Variants in PHC2 observed in about 807,000 individuals in gnomAD.
PHC2 encodes polyhomeotic homolog 2.
PHC2 carries 29 observed loss-of-function variants against 87.4 expected under a neutral mutation model. The observed-to-expected ratio is 0.33, with a 90% CI of 0.25 to 0.45. PHC2 has a LOEUF of 0.45. Ranked by LOEUF, PHC2 falls within the 20% of genes least tolerant of loss-of-function variation. PHC2 has a pLI of 1.00. For synonymous variants in PHC2, 438 were observed against 461.7 expected (o/e 0.95, Z 0.66); for missense variants, 857 against 1,136.7 (o/e 0.75, Z 3.54).
In PHC2 at chr1:33,325,431, C is replaced by T. The variant is rs536809233; in HGVS notation, c.2426-412G>A. On this transcript the variant is annotated intron_variant, in intron 14 of 14. Transcript: ENST00000683057. Reference sequence around the variant, plus strand: ...CCCAGCAACCCTTTGGAGAGGCATGCGTGGAGAGCAGCCAAGGCCCTGGTG... The same window carrying T: ...CCCAGCAACCCTTTGGAGAGGCATGTGTGGAGAGCAGCCAAGGCCCTGGTG... The T allele has an allele frequency of 5.7e-5, 11 of 193,406 alleles. No homozygotes were observed. The East Asian group carries it at 7.2e-4, about 13-fold the overall frequency. 12.0% of individuals were successfully genotyped at this position (193,406 alleles called of 1,614,324 possible).
chr1:33,354,947 G>C lies in PHC2; in HGVS notation c.1283C>G (p.Pro428Arg), dbSNP rs1370685763. Residue 428 changes from proline (P) to arginine (R), a missense_variant, in exon 8 of 15, where the codon CCT becomes CGT. Transcript: ENST00000683057. ...ATGTCCATTCTGAGGCCCAGTATCA[G>C]GTGTGGGAGGGTGACACTGCTGACT... ...GGSQQCHPPTPDTGPQNGHPE... is the reference protein window; with the variant it reads ...GGSQQCHPPTRDTGPQNGHPE... 2.2e-5 allele frequency: 35 copies of C among 1,614,110 alleles called. No homozygotes were observed. The highest frequency in any genetic ancestry group is 2.8e-5 in the Non-Finnish European group (33 of 1,180,054).
At chr1:33,363,796 A>G (rs537012535) in intron 7 of PHC2, 1 of 985,314 alleles carries the variant, frequency 1.0e-6, no homozygotes, top group African/African-American at 1.7e-5. Flanking sequence ...GACTCCAAGA[A>G]CCAAGTCTCC....
At position 33,368,487 on chromosome 1, in the gene PHC2, C is replaced by G. The variant is rs1214059668; in HGVS notation, c.663+49G>C. 2 of 1,020,950 alleles carry G rather than the reference C, an allele frequency of 2.0e-6. No homozygotes were observed. The highest frequency in any genetic ancestry group is 2.9e-6 in the Non-Finnish European group (2 of 695,278). The allele number at this position is 1,020,950 out of a possible 1,614,324, so 63.2% of individuals were successfully genotyped here. The stretch of plus-strand genomic sequence containing the variant: ...GCCCCTCCCCAGTATCAGTGCCCCT[C>G]TACAGGGGTGCCCACCCCCCTGCCC... On this transcript the variant is annotated intron_variant, in intron 6 of 14. Transcript: ENST00000683057. The surrounding 1 kb of genome is among the most constrained non-coding windows in gnomAD (Gnocchi z 6.6).
Position 33,349,844 on chromosome 1 carries a change from T to C in PHC2, c.1558+4557A>G, listed in dbSNP as rs1030782522. 19 of 968,320 alleles carry C rather than the reference T, an allele frequency of 2.0e-5. No homozygotes were observed. In the African/African-American group the frequency reaches 3.5e-4, roughly 18 times the overall value. 60.0% of individuals were successfully genotyped at this position (968,320 alleles called of 1,614,324 possible). A position where few individuals can be genotyped will look rare whatever the true frequency, so the allele number is the denominator to read the frequency against. ...GCGGGAGCGCGGGCGGCGGCCGGGG[T>C]TGCGCGCGCGCGCGCGGCGGGCGCT... On this transcript the variant is annotated intron_variant, in intron 9 of 14. Transcript: ENST00000683057. The surrounding 1 kb of genome is among the most constrained non-coding windows in gnomAD (Gnocchi z 4.2).
chr1:33,349,224 T>C lies in PHC2; in HGVS notation c.1558+5177A>G. The C allele has an allele frequency of 1.0e-6, 1 of 985,250 alleles. No homozygotes were observed. The highest frequency in any genetic ancestry group is 4.7e-5 in the South Asian group (1 of 21,266). 61.0% of individuals were successfully genotyped at this position (985,250 alleles called of 1,614,324 possible). On this transcript the variant is annotated intron_variant, in intron 9 of 14. Transcript: ENST00000683057. The surrounding 1 kb of genome is among the most constrained non-coding windows in gnomAD (Gnocchi z 4.2). ...TCCAAGATAGGGAGTCCACCACCAA[T>C]AAAGTACGGCAGATGCCAGCAGTCT...
intron 9 of PHC2, among the ~76,000 whole-genome samples, chr1:33,352,936 TA>T (rs762568640): frequency 1.3e-5 from 2 of 152,090 alleles, no homozygotes; most frequent in Non-Finnish European, 2.9e-5. Flanking sequence ...CGTGAGTGAG[TA>T]AAGGACTTGG....
intron 9 of PHC2, 31 bp downstream of exon 9, chr1:33,354,370 C>A (rs1436789672): frequency 8.9e-6 from 14 of 1,579,722 alleles, no homozygotes; most frequent in South Asian, 1.1e-5. Flanking sequence ...CAACTTCCTC[C>A]CCTCCCCCAG....
intron 1 of PHC2, among the ~76,000 whole-genome samples, chr1:33,413,118 C>T (rs6697101): frequency 0.098 from 14,926 of 152,180 alleles, 1,043 homozygotes; most frequent in East Asian, 0.28. Flanking sequence ...AGGCATGTGC[C>T]ACCACACTTG....
At chr1:33,370,630 G>C in intron 4 of PHC2, 45 bp from the exon 5 acceptor site, 1 of 1,552,326 alleles carries the variant, frequency 6.4e-7, no homozygotes, top group East Asian at 2.3e-5. Context: ...GGTTCTGTTG[G>C]TGAGCTGTGT....
intron 1 of PHC2, among the ~76,000 whole-genome samples, chr1:33,393,630 T>G (rs1649172724): frequency 6.6e-6 from 1 of 152,186 alleles, no homozygotes; most frequent in Non-Finnish European, 1.5e-5. Flanking sequence ...CTCCTCAGAG[T>G]GAGCAGGCTA....
chr1:33,324,072 G>C lies in PHC2; in HGVS notation c.*793C>G, dbSNP rs1382034070. On this transcript the variant is annotated 3_prime_UTR_variant, in exon 15 of 15. Transcript: ENST00000683057. Reference sequence around the variant, plus strand: ...GGTCAGGGGAACTTCACAGTGCGGGGAGGGGTGTCTGGAAAGGAAACTCTG... The same window carrying C: ...GGTCAGGGGAACTTCACAGTGCGGGCAGGGGTGTCTGGAAAGGAAACTCTG... 1 of 152,574 alleles carries C rather than the reference G, an allele frequency of 6.6e-6. No homozygotes were observed. The highest frequency in any genetic ancestry group is 1.9e-4 in the East Asian group (1 of 5,210). 9.5% of individuals were successfully genotyped at this position (152,574 alleles called of 1,614,324 possible).
intron 13 of PHC2, 64 bp downstream of exon 13, chr1:33,330,007 G>A: frequency 6.3e-7 from 1 of 1,576,712 alleles, no homozygotes; most frequent in Non-Finnish European, 8.7e-7. Context: ...GTGGTGTCGA[G>A]GGCCATGGAA....
intron 1 of PHC2, among the ~76,000 whole-genome samples, chr1:33,391,846 A>C (rs1649067790): frequency 6.6e-6 from 1 of 152,150 alleles, no homozygotes; most frequent in Non-Finnish European, 1.5e-5. Context: ...TCTGGCAGAC[A>C]ATGAATGGCA....
At chr1:33,337,427 C>G (rs1236245347) in intron 9 of PHC2, among the ~76,000 whole-genome samples, 1 of 152,196 alleles carries the variant, frequency 6.6e-6, no homozygotes, top group East Asian at 1.9e-4. Flanking sequence ...TCACAGAGAA[C>G]AAGGCCAATC....
intron 7 of PHC2, among the ~76,000 whole-genome samples, chr1:33,361,144 T>C (rs142360915): frequency 6.6e-6 from 1 of 152,226 alleles, no homozygotes; most frequent in Admixed American, 6.5e-5. Flanking sequence ...GACAACAGCA[T>C]ATTTGCTTGG....
chr1:33,380,114 C>G (rs1205580232), intron 1 of PHC2, among the ~76,000 whole-genome samples: 1 of 152,234 alleles, frequency 6.6e-6, no homozygotes, highest in African/African-American at 2.4e-5. Context: ...GGCTGTCTTT[C>G]AAGTGTGCTC....
chr1:33,368,317 T>G lies in PHC2; in HGVS notation c.663+219A>C, dbSNP rs754242780. ...TCATGCTGGCCTCAGCAGGCTGCCC[T>G]CTGGCTCCTGACCTGTGTTTGAGGG... On this transcript the variant is annotated intron_variant, in intron 6 of 14. Transcript: ENST00000683057. The surrounding 1 kb of genome is among the most constrained non-coding windows in gnomAD (Gnocchi z 6.6). 6.6e-5 allele frequency among the ~76,000 whole-genome samples: 10 copies of G among 152,302 alleles called. No homozygotes were observed. The highest frequency in any genetic ancestry group is 1.2e-4 in the Non-Finnish European group (8 of 68,010).
chr1:33,396,855 G>C (rs368176404), intron 1 of PHC2, among the ~76,000 whole-genome samples: 41 of 152,280 alleles, frequency 2.7e-4, no homozygotes, highest in South Asian at 2.3e-3. Context: ...CTGAGCTGAC[G>C]GACAGCAGCG....
intron 7 of PHC2, among the ~76,000 whole-genome samples, chr1:33,362,203 C>CGTTT (rs1647210163): frequency 6.6e-6 from 1 of 152,140 alleles, no homozygotes. Flanking sequence ...TTGTTTAAAC[C>CGTTT]ACAAAGAGGT....
Sources: gnomAD v4.1 joint callset for allele counts (sites outside exome capture counted in the v4.1 genomes callset) on GRCh38, gnomAD v4.1.1 for gene constraint, Gnocchi (gnomAD v3.1) non-coding constraint, MANE v1.5 for transcripts, NCBI Gene and HGNC (gene_info 2026-07-23, HGNC 2026-07-21) for gene names.